Variants in VPS11 observed in about 807,000 individuals in gnomAD.
VPS11 encodes VPS11 core subunit of CORVET and HOPS complexes, also known as vacuolar protein sorting-associated protein 11 homolog.
A neutral mutation model predicts 106.8 loss-of-function variants in VPS11; 51 were observed. That is an observed-to-expected ratio of 0.48 (90% CI 0.38 to 0.60). The LOEUF (loss-of-function observed/expected upper bound fraction) is 0.60, where lower values mean the gene tolerates loss of function less well. VPS11 is among the 20% of genes least tolerant of loss of function. VPS11 has a pLI of 0.00. For synonymous variants in VPS11, 453 were observed against 458.7 expected (o/e 0.99, Z 0.16); for missense variants, 950 against 1,190.0 (o/e 0.80, Z 2.97).
Position 119,079,263 on chromosome 11 carries a change from A to G in VPS11, c.2401A>G (p.Thr801Ala). 6.2e-7 allele frequency: 1 copy of G among 1,603,056 alleles called. No individual in the cohort carries two copies. The highest frequency in any genetic ancestry group is 8.5e-7 in the Non-Finnish European group (1 of 1,174,848). ...GGTGCGGCGGTACCGAGAGGAGACC[A>G]CCCGTATCCGCCAGGAGATCCAAGA... ...LRVRRYREETTRIRQEIQELK... is the reference protein window; with the variant it reads ...LRVRRYREETARIRQEIQELK... The change falls in exon 14 of 16, where the codon ACC becomes GCC. Residue 801 changes from threonine (T) to alanine (A), a missense_variant. Physicochemically the swap from Thr to Ala is moderately conservative, Grantham distance 58 (BLOSUM62 0). Coordinates refer to ENST00000621676, the MANE Select transcript of VPS11 (RefSeq NM_021729.6).
intron 3 of VPS11, 68 bp downstream of exon 3, chr11:119,069,645 T>C: frequency 1.2e-6 from 2 of 1,605,054 alleles, no homozygotes; most frequent in Non-Finnish European, 1.7e-6. Flanking sequence ...CTTCTGCCTC[T>C]CATCTTTACT....
chr11:119,078,428 A>T, intron 11 of VPS11, 94 bp downstream of exon 11: 3 of 1,573,580 alleles, frequency 1.9e-6, no homozygotes, highest in Non-Finnish European at 2.6e-6. Context: ...TCCTTAGACC[A>T]GTAACACCTT....
At position 119,078,016 on chromosome 11, in the gene VPS11, T is replaced by G; in HGVS notation, c.1711T>G (p.Tyr571Asp). 1 of 1,613,420 alleles carries G rather than the reference T, an allele frequency of 6.2e-7. No individual in the cohort carries two copies. Among genetic ancestry groups the G allele is most frequent in the African/African-American group, 1.3e-5 (1 of 75,056 alleles). Residue 571 changes from tyrosine (Y) to aspartate (D), a missense_variant, in exon 10 of 16, where the codon TAT (tyrosine) becomes GAT (aspartate). By Grantham distance (160) the Tyr-to-Asp change is radical. Coordinates refer to ENST00000621676, the MANE Select transcript of VPS11 (RefSeq NM_021729.6). The stretch of plus-strand genomic sequence containing the variant: ...GTTGCTGAAGGGACTTTGTACTGAT[T>G]ATCGGCCCAGCCTCGAAGGCCGCAG... ...TQLLKGLCTD[Y>D]RPSLEGRSDR...
intron 14 of VPS11, 101 bp from the exon 15 acceptor site, chr11:119,080,991 A>T (rs924925639): frequency 9.5e-7 from 1 of 1,056,610 alleles, no homozygotes; most frequent in Non-Finnish European, 1.4e-6. Context: ...GGGCCTTACC[A>T]GGGACCTTGC....
In VPS11 at chr11:119,081,499, A is replaced by G; in HGVS notation, c.2702A>G (p.Tyr901Cys). ...GACAGCTTTTCTGTGATTGCTGACT[A>G]CTTTGGCAGAGGTGTTTTCAACAAA... ...SNDSFSVIAD[Y>C]FGRGVFNKLT... The change falls in exon 16 of 16, where the codon TAC becomes TGC. Residue 901 changes from tyrosine (Y) to cysteine (C), a missense_variant. By Grantham distance (194) the Tyr-to-Cys change is radical. Around this residue, in one of 3 missense-constraint regions of VPS11, gnomAD observed 453 missense variants for 514.6 expected, o/e 0.88. Coordinates refer to ENST00000621676, the MANE Select transcript of VPS11 (RefSeq NM_021729.6). 6.2e-7 allele frequency: 1 copy of G among 1,613,986 alleles called. No homozygotes were observed. Among genetic ancestry groups the G allele is most frequent in the Non-Finnish European group, 8.5e-7 (1 of 1,179,892 alleles).
intron 7 of VPS11, among the ~76,000 whole-genome samples, chr11:119,076,170 G>A (rs920647000): frequency 5.9e-5 from 9 of 151,930 alleles, no homozygotes; most frequent in African/African-American, 2.2e-4. Flanking sequence ...AGGTTGCAGT[G>A]AGCCAAGATC....
At chr11:119,081,025 T>C in intron 14 of VPS11, 67 bp from the exon 15 acceptor site, 1 of 1,461,888 alleles carries the variant, frequency 6.8e-7, no homozygotes, top group Non-Finnish European at 9.5e-7. Flanking sequence ...GCTGCCTTCT[T>C]TCTCATCCTT....
Position 119,078,016 on chromosome 11 carries a change from T to C in VPS11, c.1711T>C (p.Tyr571His), listed in dbSNP as rs782207236. Residue 571 changes from tyrosine (Y) to histidine (H), a missense_variant, in exon 10 of 16, where the codon TAT (tyrosine) becomes CAT (histidine). This residue lies in a region of VPS11 where 453 missense variants were observed against 514.6 expected (regional missense o/e 0.88). Coordinates refer to ENST00000621676, the MANE Select transcript of VPS11 (RefSeq NM_021729.6). ...TQLLKGLCTD[Y>H]RPSLEGRSDR... ...GTTGCTGAAGGGACTTTGTACTGAT[T>C]ATCGGCCCAGCCTCGAAGGCCGCAG... The C allele has an allele frequency of 1.1e-5, 17 of 1,613,420 alleles. No individual in the cohort carries two copies. The South Asian group carries it at 1.8e-4, about 17-fold the overall frequency.
In VPS11 at chr11:119,081,827, TA is replaced by T. The variant is rs1456645777; in HGVS notation, c.*205del. 7.2e-6 allele frequency: 5 copies of T among 694,584 alleles called. No individual in the cohort carries two copies. The highest frequency in any genetic ancestry group is 1.8e-5 in the African/African-American group (1 of 55,530). 43.0% of individuals were successfully genotyped at this position (694,584 alleles called of 1,614,324 possible). On this transcript the variant is annotated 3_prime_UTR_variant, in exon 16 of 16. Transcript: ENST00000621676. ...CCATCCCTCCTCTTCACTAGCAGTGTAGATCATTCCAGATCAGTGGGGGAGG... is the reference window on the plus strand; with the variant it reads ...CCATCCCTCCTCTTCACTAGCAGTGTGATCATTCCAGATCAGTGGGGGAGG...
chr11:119,074,101 T>C, intron 7 of VPS11, 150 bp downstream of exon 7: 1 of 1,060,328 alleles, frequency 9.4e-7, no homozygotes. Flanking sequence ...TAGTTTTTTT[T>C]TGAGATGGAG....
rs1945327695 is a variant in VPS11, at chr11:119,070,323, C to T, written c.562C>T (p.Pro188Ser). The change falls in exon 4 of 16, where the codon CCT becomes TCT. Residue 188 changes from proline to serine, a missense_variant. By Grantham distance (74) the Pro-to-Ser change is moderately conservative. This residue lies in a region of VPS11 where 435 missense variants were observed against 630.2 expected (regional missense o/e 0.69). Transcript: ENST00000621676. ...KTQILHKGNY[P>S]VTGLAFRQAG... ...CCAGATTTTGCACAAGGGCAACTAT[C>T]CTGTAACTGGATTGGCCTTTCGCCA... 5 of 1,613,412 alleles carry T rather than the reference C, an allele frequency of 3.1e-6. No homozygotes were observed. Among genetic ancestry groups the T allele is most frequent in the Non-Finnish European group, 4.2e-6 (5 of 1,179,622 alleles).
chr11:119,067,849 G>A lies in VPS11; in HGVS notation c.26G>A (p.Arg9His). 1.3e-6 allele frequency: 2 copies of A among 1,555,062 alleles called. No homozygotes were observed. Among genetic ancestry groups the A allele is most frequent in the Non-Finnish European group, 1.7e-6 (2 of 1,148,306 alleles). Residue 9 changes from arginine to histidine, a missense_variant, in exon 1 of 16, where the codon CGC becomes CAC. Physicochemically the swap from Arg to His is conservative, Grantham distance 29 (BLOSUM62 0). This residue lies in a region of VPS11 where 62 missense variants were observed against 45.1 expected (regional missense o/e 1.37). Coordinates refer to ENST00000621676, the MANE Select transcript of VPS11 (RefSeq NM_021729.6). ...ATGGCGGCCTACCTGCAGTGGCGGC[G>A]CTTCGTTTTCTTCGACAAGGAGCTG... Reference protein sequence around the residue: MAAYLQWRRFVFFDKELVK... With the variant: MAAYLQWRHFVFFDKELVK...
Position 119,079,164 on chromosome 11 carries a change from C to T in VPS11, c.2302C>T (p.Leu768Phe). 2.5e-6 allele frequency: 4 copies of T among 1,613,964 alleles called. No individual in the cohort carries two copies. The highest frequency in any genetic ancestry group is 2.5e-6 in the Non-Finnish European group (3 of 1,179,870). The change falls in exon 14 of 16, where the codon CTC becomes TTC. Residue 768 changes from leucine to phenylalanine, a missense_variant. By Grantham distance (22) the Leu-to-Phe change is conservative (BLOSUM62 0). This residue lies in a region of VPS11 where 453 missense variants were observed against 514.6 expected (regional missense o/e 0.88). Transcript: ENST00000621676. The part of the protein sequence containing the change: ...QTLAHNSTAT[L>F]SVIRDYLVQK... The stretch of plus-strand genomic sequence containing the variant: ...CCTGGCCCACAACTCCACAGCCACA[C>T]TCTCCGTCATCAGGGACTACCTGGT...
At chr11:119,068,707 A>G (rs1350502791) in intron 1 of VPS11, among the ~76,000 whole-genome samples, 4 of 149,470 alleles carry the variant, frequency 2.7e-5, no homozygotes, top group Non-Finnish European at 4.4e-5. Flanking sequence ...CGGCCTCCCA[A>G]AGTGCTGGGA....
rs1419756834 is a variant in VPS11 at position 119,079,282 on chromosome 11, TC to T, written c.2422del (p.Gln808LysfsTer63). 6.3e-7 allele frequency: 1 copy of T among 1,595,794 alleles called. No individual in the cohort carries two copies. ...REETTRIRQEIQELKASPKIF... is the reference protein window; with the variant it reads ...REETTRIRQEXQELKASPKIF... ...GAGACCACCCGTATCCGCCAGGAGATCCAAGAGCTCAAGGCCAGGTACCCGG... is the reference window on the plus strand; with the variant it reads ...GAGACCACCCGTATCCGCCAGGAGATCAAGAGCTCAAGGCCAGGTACCCGG... On this transcript the variant is annotated frameshift_variant, in exon 14 of 16. Coordinates refer to ENST00000621676, the MANE Select transcript of VPS11 (RefSeq NM_021729.6). LOFTEE classifies it high-confidence loss of function.
chr11:119,073,589 T>C (rs1945483985), intron 6 of VPS11, 190 bp downstream of exon 6: 3 of 878,982 alleles, frequency 3.4e-6, no homozygotes, highest in Non-Finnish European at 3.4e-6. Flanking sequence ...GCTGGGAGCC[T>C]GAGCCCACTC....
intron 7 of VPS11, among the ~76,000 whole-genome samples, chr11:119,074,474 C>T (rs532594326): frequency 6.6e-6 from 1 of 151,678 alleles, no homozygotes; most frequent in Non-Finnish European, 1.5e-5. Context: ...GGTGTGATCT[C>T]GGCTCACTGC....
chr11:119,078,221 C>A lies in VPS11; in HGVS notation c.1810C>A (p.Leu604Met). Reference protein sequence around the residue: ...IPIFANNPRELKAFLEHMSEV... With the variant: ...IPIFANNPREMKAFLEHMSEV... ...CATCTTTGCCAATAACCCGCGAGAG[C>A]TGAAAGCCTTCCTAGAGCACATGAG... is the stretch of plus-strand genomic sequence containing the variant. Residue 604 changes from leucine (L) to methionine (M), a missense_variant, in exon 11 of 16, where the codon CTG (leucine) becomes ATG (methionine). By Grantham distance (15) the Leu-to-Met change is conservative. Coordinates refer to ENST00000621676, the MANE Select transcript of VPS11 (RefSeq NM_021729.6). 6.2e-7 allele frequency: 1 copy of A among 1,613,754 alleles called. No individual in the cohort carries two copies. The highest frequency in any genetic ancestry group is 8.5e-7 in the Non-Finnish European group (1 of 1,179,878).
Position 119,069,199 on chromosome 11 carries a change from T to C in VPS11, c.191T>C (p.Met64Thr), listed in dbSNP as rs1945271231. The change falls in exon 2 of 16, where the codon ATG becomes ACG. Residue 64 changes from methionine (M) to threonine (T), a missense_variant. Physicochemically the swap from Met to Thr is moderately conservative, Grantham distance 81 (BLOSUM62 -1). Around this residue, in one of 3 missense-constraint regions of VPS11, gnomAD observed 435 missense variants for 630.2 expected, o/e 0.69. Transcript: ENST00000621676. ...SGRGSLVFGDMEGQIWFLPRS... is the reference protein window; with the variant it reads ...SGRGSLVFGDTEGQIWFLPRS... ...AGGCTCCTTGACTACCCTGCACATATGGAAGGCCAGATCTGGTTCTTGCCA... is the reference window on the plus strand; with the variant it reads ...AGGCTCCTTGACTACCCTGCACATACGGAAGGCCAGATCTGGTTCTTGCCA... 5 of 1,613,794 alleles carry C rather than the reference T, an allele frequency of 3.1e-6. No individual in the cohort carries two copies. Among genetic ancestry groups the C allele is most frequent in the Non-Finnish European group, 2.5e-6 (3 of 1,179,904 alleles).
Sources: allele counts gnomAD v4.1 joint callset (sites outside exome capture counted in the v4.1 genomes callset), GRCh38; gene constraint gnomAD v4.1.1; regional missense constraint gnomAD v4.1.1; transcripts MANE v1.5; gene names NCBI Gene and HGNC (gene_info 2026-07-23, HGNC 2026-07-21).